Variants in TRMT10B observed in about 807,000 individuals in gnomAD.
TRMT10B encodes the protein tRNA methyltransferase 10 homolog B.
Under a neutral mutation model 43.8 loss-of-function variants are expected in TRMT10B, and 33 were observed. That is an observed-to-expected ratio of 0.75 (90% CI 0.57 to 1.01). TRMT10B has a LOEUF of 1.01. TRMT10B is among the 50% of genes least tolerant of loss of function. The pLI, the probability that TRMT10B is intolerant of heterozygous loss-of-function variation, is 0.00. For synonymous variants in TRMT10B, 137 were observed against 130.6 expected, an observed-to-expected ratio of 1.05 and a Z score of -0.34; for missense variants, 362 against 369.8, an observed-to-expected ratio of 0.98 and a Z score of 0.17.
intron 1 of TRMT10B, among the ~76,000 whole-genome samples, chr9:37,756,934 TGAGGTGG>T (rs1275353427): frequency 6.6e-6 from 1 of 151,316 alleles, no homozygotes; most frequent in Non-Finnish European, 1.5e-5. Context: ...ACTGGGAAGC[TGAGGTGG>T]GAGGATGGCC....
chr9:37,777,020 AC>A (rs1479958724), intron 8 of TRMT10B, among the ~76,000 whole-genome samples: 9 of 150,378 alleles, frequency 6.0e-5, no homozygotes, highest in Non-Finnish European at 1.3e-4. Flanking sequence ...ATGGAGAAAC[AC>A]CGTCTCTACT....
At position 37,777,519 on chromosome 9, in the gene TRMT10B, A is replaced by G. The variant is rs556341845; in HGVS notation, c.845-82A>G. The G allele has an allele frequency of 2.5e-5, 31 of 1,232,124 alleles. No homozygotes were observed. In the African/African-American group the frequency reaches 4.3e-4, roughly 17 times the overall value. The allele number at this position is 1,232,124 out of a possible 1,614,324, so 76.3% of individuals were successfully genotyped here. ...TGGTGCAGAATAGGTTTGTTGAACG[A>G]AATATTACAGAACATCCTTTTCATT... On this transcript the variant is annotated intron_variant, in intron 8 of 8. Transcript: ENST00000297994.
intron 1 of TRMT10B, among the ~76,000 whole-genome samples, chr9:37,755,289 T>TTTTTTTTTA (rs1554674553): frequency 6.7e-6 from 1 of 149,230 alleles, no homozygotes; most frequent in African/African-American, 2.5e-5. Context: ...TTTTTTTTTT[T>TTTTTTTTTA]AAAGTTAGTT....
At chr9:37,755,159 C>G (rs1288506062) in intron 1 of TRMT10B, among the ~76,000 whole-genome samples, 3 of 152,072 alleles carry the variant, frequency 2.0e-5, no homozygotes, top group African/African-American at 4.8e-5. Context: ...GTAGTCCCAG[C>G]TACTCAGGAA....
At position 37,778,774 on chromosome 9, in the gene TRMT10B, G is replaced by C. The variant is rs562049906; in HGVS notation, c.*1067G>C. Reference sequence around the variant, plus strand: ...GACCTATCCCTACTGAGTCCCCATAGCATTTTGTTCCCTCCTGTGGCTCTT... The same window carrying C: ...GACCTATCCCTACTGAGTCCCCATACCATTTTGTTCCCTCCTGTGGCTCTT... On this transcript the variant is annotated 3_prime_UTR_variant, in exon 9 of 9. Transcript: ENST00000297994. The C allele has an allele frequency of 6.6e-6, 1 of 152,172 alleles. No homozygotes were observed. The highest frequency in any genetic ancestry group is 1.5e-5 in the Non-Finnish European group (1 of 68,042). The allele number at this position is 152,172 out of a possible 1,614,324, so 9.4% of individuals were successfully genotyped here.
At chr9:37,762,992 A>G (rs2118781412) in intron 3 of TRMT10B, among the ~76,000 whole-genome samples, 1 of 150,034 alleles carries the variant, frequency 6.7e-6, no homozygotes, top group East Asian at 2.0e-4. Context: ...AAAAAAAAAA[A>G]AAGCCGGGTG....
At chr9:37,753,258 A>G (rs1458518625), upstream of TRMT10B, among the ~76,000 whole-genome samples, 1 of 152,238 alleles carries the variant, frequency 6.6e-6, no homozygotes, top group Non-Finnish European at 1.5e-5. Flanking sequence ...CAGTGAGACC[A>G]AGAATCCACC....
At position 37,762,801 on chromosome 9, in the gene TRMT10B, C is replaced by T. The variant is rs1826507765; in HGVS notation, c.295+116C>T. 2.4e-6 allele frequency: 3 copies of T among 1,268,610 alleles called. No individual in the cohort carries two copies. In the Admixed American group the frequency reaches 9.2e-5, roughly 39 times the overall value. The allele number at this position is 1,268,610 out of a possible 1,614,324, so 78.6% of individuals were successfully genotyped here. On this transcript the variant is annotated intron_variant, in intron 3 of 8. Coordinates refer to ENST00000297994, the MANE Select transcript of TRMT10B (RefSeq NM_144964.4). Reference sequence around the variant, plus strand: ...TAAAAAGCATCTGGGATGTGGGACCCACTGCCCTATTTTCTTGGGAATCAA... The same window carrying T: ...TAAAAAGCATCTGGGATGTGGGACCTACTGCCCTATTTTCTTGGGAATCAA...
chr9:37,762,722 A>G (rs1460420969), intron 3 of TRMT10B, 37 bp downstream of exon 3: 1 of 1,530,332 alleles, frequency 6.5e-7, no homozygotes, highest in East Asian at 2.4e-5. Flanking sequence ...AATAATATTT[A>G]TTTTTTAGCA....
intron 1 of TRMT10B, among the ~76,000 whole-genome samples, chr9:37,757,938 T>C (rs1029221667): frequency 1.3e-5 from 2 of 151,864 alleles, no homozygotes; most frequent in African/African-American, 2.4e-5. Context: ...TTTAAGTGTG[T>C]CTAAACTGAA....
Position 37,776,563 on chromosome 9 carries a change from T to C in TRMT10B, c.844+158T>C, listed in dbSNP as rs193268845. 73 of 912,520 alleles carry C rather than the reference T, an allele frequency of 8.0e-5. No individual in the cohort carries two copies. The Admixed American group carries it at 1.8e-3, about 23-fold the overall frequency. The allele number at this position is 912,520 out of a possible 1,614,324, so 56.5% of individuals were successfully genotyped here. A position where few individuals can be genotyped will look rare whatever the true frequency, so the allele number is the denominator to read the frequency against. On this transcript the variant is annotated intron_variant, in intron 8 of 8. Transcript: ENST00000297994. ...ATATATTCTGGCCACTAAGAGGCAT[T>C]CTGTTTTCTTCGTCACCAACTATGT...
Position 37,763,157 on chromosome 9 carries a change from A to AC in TRMT10B, c.295+472_296-471insC, listed in dbSNP as rs1409524012. The stretch of plus-strand genomic sequence containing the variant: ...AGACTCTGTCTCAAAAAAAAAAAAA[A>AC]AAAAAAAACAAAAAAAAAAATTTAA... On this transcript the variant is annotated intron_variant, in intron 3 of 8. Coordinates refer to ENST00000297994, the MANE Select transcript of TRMT10B (RefSeq NM_144964.4). Among the ~76,000 whole-genome samples, 418 of 143,170 alleles carry AC rather than the reference A, an allele frequency of 2.9e-3. 4 individuals carry two copies. The highest frequency in any genetic ancestry group is 0.01 in the African/African-American group (358 of 34,460). 93.9% of individuals were successfully genotyped at this position (143,170 alleles called of 152,430 possible).
chr9:37,762,648 A>G lies in TRMT10B; in HGVS notation c.258A>G (p.Glu86=), dbSNP rs1396151812. Residue 86 remains glutamate (E), a synonymous_variant, in exon 3 of 9, where the codon GAA becomes GAG. Coordinates refer to ENST00000297994, the MANE Select transcript of TRMT10B (RefSeq NM_144964.4). Reference sequence around the variant, plus strand: ...CAAAGAAGAGCAAAAGAAAGCAAGAAAAAGAACGAAGAAAAGCCAATCGTG... The same window carrying G: ...CAAAGAAGAGCAAAAGAAAGCAAGAGAAAGAACGAAGAAAAGCCAATCGTG... The part of the protein sequence containing the change: ...VAAKKSKRKQ[E]KERRKANRAE... 3 of 1,595,266 alleles carry G rather than the reference A, an allele frequency of 1.9e-6. No homozygotes were observed. Among genetic ancestry groups the G allele is most frequent in the Non-Finnish European group, 2.6e-6 (3 of 1,169,776 alleles).
chr9:37,769,787 G>C lies in TRMT10B; in HGVS notation c.574-154G>C, dbSNP rs1827362993. 3 of 676,724 alleles carry C rather than the reference G, an allele frequency of 4.4e-6. No homozygotes were observed. In the Admixed American group the frequency reaches 6.6e-5, roughly 15 times the overall value. 41.9% of individuals were successfully genotyped at this position (676,724 alleles called of 1,614,324 possible). A position where few individuals can be genotyped will look rare whatever the true frequency, so the allele number is the denominator to read the frequency against. ...GGCTAATTTTTTTGTATTTTTAGTA[G>C]AGACTGGGTTTCACCATGTTGCCCA... is the stretch of plus-strand genomic sequence containing the variant. On this transcript the variant is annotated intron_variant, in intron 5 of 8. Coordinates refer to ENST00000297994, the MANE Select transcript of TRMT10B (RefSeq NM_144964.4).
chr9:37,760,504 T>G (rs1045693032), intron 1 of TRMT10B, among the ~76,000 whole-genome samples: 1 of 152,204 alleles, frequency 6.6e-6, no homozygotes, highest in African/African-American at 2.4e-5. Context: ...TGGGTAACAG[T>G]GAGACCCTGT....
In TRMT10B at chr9:37,762,259, G is replaced by T. The variant is rs528248134; in HGVS notation, c.186+142G>T. 3 of 1,082,972 alleles carry T rather than the reference G, an allele frequency of 2.8e-6. No individual in the cohort carries two copies. In the Admixed American group the frequency reaches 8.9e-5, roughly 32 times the overall value. The allele number at this position is 1,082,972 out of a possible 1,614,324, so 67.1% of individuals were successfully genotyped here. On this transcript the variant is annotated intron_variant, in intron 2 of 8. Coordinates refer to ENST00000297994, the MANE Select transcript of TRMT10B (RefSeq NM_144964.4). ...TGAGTGATGAATTTTCTGCTAACTG[G>T]TTTAAAGTTTTAGTTCCATTTGAGT...
chr9:37,771,604 G>A (rs187001951), intron 7 of TRMT10B, among the ~76,000 whole-genome samples: 212 of 152,304 alleles, frequency 1.4e-3, no homozygotes, highest in Admixed American at 2.2e-3. Context: ...ACTTACAGAA[G>A]AATGCAGCTA....
At chr9:37,760,048 A>C (rs1362757596) in intron 1 of TRMT10B, among the ~76,000 whole-genome samples, 1 of 152,050 alleles carries the variant, frequency 6.6e-6, no homozygotes, top group Non-Finnish European at 1.5e-5. Context: ...ATAATAGGCC[A>C]GGTGCGGTGG....
intron 7 of TRMT10B, 135 bp from the exon 8 acceptor site, chr9:37,776,147 C>A: frequency 1.3e-6 from 1 of 745,338 alleles, no homozygotes; most frequent in Non-Finnish European, 2.0e-6. Flanking sequence ...GTCACATAAG[C>A]TCTTGAGACA....
Sources: allele counts gnomAD v4.1 joint callset (sites outside exome capture counted in the v4.1 genomes callset), GRCh38; gene constraint gnomAD v4.1.1; transcripts MANE v1.5; gene names NCBI Gene and HGNC (gene_info 2026-07-23, HGNC 2026-07-21).